Variants in CRK observed in about 807,000 individuals in gnomAD.
CRK encodes adapter molecule crk.
CRK carries 4 observed loss-of-function variants against 29.8 expected under a neutral mutation model. That is an observed-to-expected ratio of 0.13 (90% CI 0.07 to 0.31). The LOEUF is 0.31. CRK is among the 10% of genes least tolerant of loss of function. CRK has a pLI of 1.00. For missense variants in CRK, 274 were observed against 396.5 expected, an observed-to-expected ratio of 0.69 and a Z score of 2.62; for synonymous variants, 153 against 164.9, an observed-to-expected ratio of 0.93 and a Z score of 0.55.
At chr17:1,444,838 GAA>G (rs71148484) in intron 1 of CRK, among the ~76,000 whole-genome samples, 228 of 125,622 alleles carry the variant, frequency 1.8e-3, no homozygotes, top group Non-Finnish European at 2.5e-3. Context: ...CATCTCAAAA[GAA>G]AAAAAAAAAA....
rs534402802 is a variant in CRK at position 1,422,854 on chromosome 17, T to C, written c.*659A>G. ...TCCTGCTTTTCACCTGGAATGAAAATACACACTTATCTTAGGAATTCACCT... is the reference window on the plus strand; with the variant it reads ...TCCTGCTTTTCACCTGGAATGAAAACACACACTTATCTTAGGAATTCACCT... On this transcript the variant is annotated 3_prime_UTR_variant, in exon 3 of 3. Coordinates refer to ENST00000300574, the MANE Select transcript of CRK (RefSeq NM_016823.4). The C allele has an allele frequency of 2.5e-6, 1 of 398,374 alleles. No individual in the cohort carries two copies. The highest frequency in any genetic ancestry group is 1.4e-4 in the South Asian group (1 of 7,254). The allele number at this position is 398,374 out of a possible 1,614,324, so 24.7% of individuals were successfully genotyped here. A position where few individuals can be genotyped will look rare whatever the true frequency, so the allele number is the denominator to read the frequency against.
At chr17:1,427,768 G>A (rs533468147) in intron 2 of CRK, among the ~76,000 whole-genome samples, 180 of 150,394 alleles carry the variant, frequency 1.2e-3, no homozygotes, top group Non-Finnish European at 1.2e-3. Flanking sequence ...TAGCTGGGAC[G>A]ACAAGCACAA....
chr17:1,437,228 T>A, intron 1 of CRK, 73 bp from the exon 2 acceptor site: 2 of 1,463,202 alleles, frequency 1.4e-6, no homozygotes, highest in South Asian at 1.5e-5. Flanking sequence ...TTATTTTTAT[T>A]TTTTTTAGAG....
intron 1 of CRK, among the ~76,000 whole-genome samples, chr17:1,453,034 G>A (rs1328788074): frequency 6.6e-6 from 1 of 152,204 alleles, no homozygotes; most frequent in Admixed American, 6.6e-5. Flanking sequence ...CTTGAGCCCA[G>A]GAGGTCAAGG....
chr17:1,439,000 AT>A (rs1391888939), intron 1 of CRK, among the ~76,000 whole-genome samples: 1 of 151,848 alleles, frequency 6.6e-6, no homozygotes, highest in East Asian at 1.9e-4. Context: ...CGCCCGGCTA[AT>A]TTTTGTATTT....
intron 1 of CRK, among the ~76,000 whole-genome samples, chr17:1,439,507 G>A (rs2073918059): frequency 6.6e-6 from 1 of 152,056 alleles, no homozygotes; most frequent in Admixed American, 6.6e-5. Flanking sequence ...TCCTGAAGAA[G>A]TAATAAACAA....
At chr17:1,435,099 G>A (rs1028197628) in intron 2 of CRK, among the ~76,000 whole-genome samples, 4 of 151,710 alleles carry the variant, frequency 2.6e-5, no homozygotes, top group African/African-American at 9.7e-5. Context: ...TCACCCTGTC[G>A]CCCAGGCTGG....
intron 1 of CRK, among the ~76,000 whole-genome samples, chr17:1,447,803 G>T (rs1472511353): frequency 4.6e-5 from 7 of 151,922 alleles, no homozygotes; most frequent in Middle Eastern, 3.4e-3. Context: ...TTTTAGGAAA[G>T]ACAGGGTTTT....
At chr17:1,434,570 G>T (rs2073873081) in intron 2 of CRK, among the ~76,000 whole-genome samples, 1 of 152,074 alleles carries the variant, frequency 6.6e-6, no homozygotes, top group Non-Finnish European at 1.5e-5. Flanking sequence ...ATCACCTGAG[G>T]TCAGGAGTTT....
chr17:1,452,797 G>GA (rs1301389169), intron 1 of CRK, among the ~76,000 whole-genome samples: 1,633 of 97,940 alleles, frequency 0.017, 15 homozygotes, highest in African/African-American at 0.03. Flanking sequence ...GTCTCAAAAA[G>GA]AAAAAAAAAA....
chr17:1,437,757 G>A (rs1302467288), intron 1 of CRK, among the ~76,000 whole-genome samples: 1 of 151,058 alleles, frequency 6.6e-6, no homozygotes, highest in East Asian at 1.9e-4. Flanking sequence ...GGGTTCAAGC[G>A]ATTCTCCCGT....
chr17:1,423,578 C>T lies in CRK; in HGVS notation c.850G>A (p.Gly284Ser). ...CGGACATGTGTGAATGGGAAGTGAC[C>T]TCGTTTGCCATTACACTCCCCTTCC... The part of the protein sequence containing the change: ...QWEGECNGKR[G>S]HFPFTHVRLL... The change falls in exon 3 of 3, where the codon GGT becomes AGT. Residue 284 changes from glycine to serine, a missense_variant. Physicochemically the swap from Gly to Ser is moderately conservative, Grantham distance 56. Transcript: ENST00000300574. 1 of 1,614,090 alleles carries T rather than the reference C, an allele frequency of 6.2e-7. No homozygotes were observed. Among genetic ancestry groups the T allele is most frequent in the Non-Finnish European group, 8.5e-7 (1 of 1,180,004 alleles).
At chr17:1,425,863 TAG>T (rs1305713199) in intron 2 of CRK, among the ~76,000 whole-genome samples, 3 of 152,032 alleles carry the variant, frequency 2.0e-5, no homozygotes, top group African/African-American at 7.2e-5. Context: ...AAGAAGGGGA[TAG>T]AGAGACACAT....
Position 1,427,030 on chromosome 17 carries a change from C to CAA in CRK, c.778-3382_778-3381dup, listed in dbSNP as rs562515421. On this transcript the variant is annotated intron_variant, in intron 2 of 2. Transcript: ENST00000300574. The stretch of plus-strand genomic sequence containing the variant: ...CTGGGCGACAGAGCAAAACTGTCTC[C>CAA]AAAAAAAAAAAAAAAAAAAAAAAAA... Among the ~76,000 whole-genome samples the CAA allele has an allele frequency of 1.6e-3, 58 of 35,306 alleles. 4 individuals carry two copies. Among genetic ancestry groups the CAA allele is most frequent in the Non-Finnish European group, 2.0e-3 (42 of 21,052 alleles). The allele number at this position is 35,306 out of a possible 152,430, so 23.2% of individuals were successfully genotyped here.
intron 2 of CRK, among the ~76,000 whole-genome samples, chr17:1,427,030 C>CAAAAAAAAAAAAAAAAAAAAAAAAA (rs562515421): frequency 2.8e-5 from 1 of 35,304 alleles, no homozygotes; most frequent in East Asian, 1.3e-3. Context: ...AAACTGTCTC[C>CAAAAAAAAAAAAAAAAAAAAAAAAA]AAAAAAAAAA....
intron 1 of CRK, among the ~76,000 whole-genome samples, chr17:1,452,162 T>G (rs988761329): frequency 1.2e-4 from 18 of 152,300 alleles, no homozygotes; most frequent in African/African-American, 4.1e-4. Context: ...GTTCAACTTC[T>G]GAAAGTCATT....
intron 1 of CRK, among the ~76,000 whole-genome samples, chr17:1,439,650 A>G (rs2073918892): frequency 1.3e-5 from 2 of 151,664 alleles, no homozygotes; most frequent in Non-Finnish European, 2.9e-5. Flanking sequence ...GGAGTTCAAG[A>G]CCAACCCGGG....
chr17:1,449,187 T>C (rs2073999678), intron 1 of CRK, among the ~76,000 whole-genome samples: 1 of 152,040 alleles, frequency 6.6e-6, no homozygotes, highest in Admixed American at 6.6e-5. Flanking sequence ...GCGCAACAGG[T>C]CGGATGAGCA....
intron 1 of CRK, among the ~76,000 whole-genome samples, chr17:1,451,962 C>T (rs975992067): frequency 1.4e-4 from 22 of 151,982 alleles, no homozygotes; most frequent in Admixed American, 7.2e-4. Flanking sequence ...TGTAGCAGCC[C>T]GGGGGGCAAG....
Sources: allele counts gnomAD v4.1 joint callset (sites outside exome capture counted in the v4.1 genomes callset), GRCh38; gene constraint gnomAD v4.1.1; transcripts MANE v1.5; gene names NCBI Gene and HGNC (gene_info 2026-07-23, HGNC 2026-07-21).